The following DACH2 variants were observed in gnomAD, a reference collection of about 807,000 sequenced individuals.
The protein encoded by DACH2 is dachshund homolog 2.
In DACH2, 17 loss-of-function variants were observed where a neutral mutation model predicts 35.8. That is an observed-to-expected ratio of 0.48 (90% CI 0.33 to 0.71). The LOEUF (loss-of-function observed/expected upper bound fraction) is 0.71, where lower values mean the gene tolerates loss of function less well. Ranked by LOEUF, DACH2 falls within the 30% of genes least tolerant of loss-of-function variation. The pLI is 0.02. For missense variants in DACH2, 469 were observed against 472.7 expected (o/e 0.99, Z 0.07); for synonymous variants, 195 against 177.3 (o/e 1.10, Z -0.79).
At chrX:86,625,088 G>T (rs2040118923) in intron 3 of DACH2, among the ~76,000 whole-genome samples, 1 of 111,259 alleles carries the variant, frequency 9.0e-6, no homozygotes, top group African/African-American at 3.3e-5. Context: ...ACAGAAAAAT[G>T]GTTTGTATCT....
At chrX:86,813,579 TC>T (rs1428482566) in intron 9 of DACH2, among the ~76,000 whole-genome samples, 1 of 107,247 alleles carries the variant, frequency 9.3e-6, no homozygotes, top group Non-Finnish European at 1.9e-5. Flanking sequence ...GCCACTGCAC[TC>T]CAGCCTGGGC....
At chrX:86,281,697 G>C (rs2034032919) in intron 1 of DACH2, among the ~76,000 whole-genome samples, 1 of 111,948 alleles carries the variant, frequency 8.9e-6, no homozygotes, top group Non-Finnish European at 1.9e-5. Flanking sequence ...AATAGGAAGA[G>C]AGGAAGTCAA....
intron 6 of DACH2, among the ~76,000 whole-genome samples, chrX:86,722,528 T>A (rs2041419100): frequency 9.2e-6 from 1 of 108,994 alleles, no homozygotes; most frequent in African/African-American, 3.3e-5. Context: ...TGTTTTTTTT[T>A]TTATTTTATT....
chrX:86,726,458 C>T (rs936301438), intron 6 of DACH2, among the ~76,000 whole-genome samples: 5 of 111,051 alleles, frequency 4.5e-5, no homozygotes, highest in African/African-American at 1.6e-4. Context: ...CTCAATCTTG[C>T]AGCAGCCTCA....
chrX:86,302,150 T>A (rs1019106064), intron 1 of DACH2, among the ~76,000 whole-genome samples: 1 of 111,483 alleles, frequency 9.0e-6, no homozygotes, highest in Non-Finnish European at 1.9e-5. Context: ...TTATTTTATT[T>A]CATTTTAAAT....
At chrX:86,261,493 T>C (rs925245676) in intron 1 of DACH2, among the ~76,000 whole-genome samples, 3 of 112,028 alleles carry the variant, frequency 2.7e-5, no homozygotes, top group African/African-American at 9.7e-5. Context: ...TTCTACTGCC[T>C]TGTGGCTTTC....
intron 3 of DACH2, among the ~76,000 whole-genome samples, chrX:86,604,667 G>C (rs919147545): frequency 9.0e-6 from 1 of 111,387 alleles, no homozygotes; most frequent in Non-Finnish European, 1.9e-5. Flanking sequence ...TAATTAAAAT[G>C]ACTTACCAGC....
intron 2 of DACH2, among the ~76,000 whole-genome samples, chrX:86,392,532 A>C (rs1030652442): frequency 1.8e-5 from 2 of 111,822 alleles, no homozygotes; most frequent in Non-Finnish European, 3.8e-5. Flanking sequence ...AGATTATCCA[A>C]ATTTAGAACT....
intron 2 of DACH2, among the ~76,000 whole-genome samples, chrX:86,496,726 T>C (rs1319588357): frequency 9.1e-6 from 1 of 110,070 alleles, no homozygotes; most frequent in Non-Finnish European, 1.9e-5. Context: ...CTTACAGAAT[T>C]CAGGTCTCTA....
chrX:86,241,550 C>T (rs1253291265), intron 1 of DACH2, among the ~76,000 whole-genome samples: 1 of 112,046 alleles, frequency 8.9e-6, no homozygotes, highest in Non-Finnish European at 1.9e-5. Flanking sequence ...GCAAAATTTG[C>T]AGCATGATCA....
chrX:86,815,004 T>C (rs750762681), intron 10 of DACH2, among the ~76,000 whole-genome samples, 170 bp downstream of exon 10: 1 of 112,023 alleles, frequency 8.9e-6, no homozygotes, highest in East Asian at 2.8e-4. Context: ...AGGCCAAGTG[T>C]TTTAGATCAT....
At position 86,471,076 on chromosome X, in the gene DACH2, C is replaced by A. The variant is rs2037754061; in HGVS notation, c.528-43203C>A. Among the ~76,000 whole-genome samples, 3 of 111,459 alleles carry A rather than the reference C, an allele frequency of 2.7e-5. No homozygotes were observed. In the Admixed American group the frequency reaches 2.9e-4, roughly 11 times the overall value. On this transcript the variant is annotated intron_variant, in intron 2 of 11. Coordinates refer to ENST00000373125, the MANE Select transcript of DACH2 (RefSeq NM_053281.3). ...TTTTCTTTAACAATTAAACAGTTAA[C>A]AATTAAACTAGAACAAAACCAGTAT...
intron 1 of DACH2, among the ~76,000 whole-genome samples, chrX:86,191,866 A>G (rs933556386): frequency 1.8e-5 from 2 of 111,074 alleles, no homozygotes; most frequent in Non-Finnish European, 3.8e-5. Flanking sequence ...GCTTGAACCC[A>G]AGAGGCGGAG....
intron 1 of DACH2, among the ~76,000 whole-genome samples, chrX:86,332,326 G>C (rs2035228041): frequency 9.0e-6 from 1 of 111,362 alleles, no homozygotes; most frequent in Non-Finnish European, 1.9e-5. Context: ...ATACTAAATT[G>C]TATCTAAGAA....
In DACH2 at chrX:86,439,828, T is replaced by G. The variant is rs371352319; in HGVS notation, c.527+62966T>G. On this transcript the variant is annotated intron_variant, in intron 2 of 11. Transcript: ENST00000373125. ...ATTTTGAATAGTTGTATTTTTATTT[T>G]TATTTAGTACAAAATATTTTTAAAT... Among the ~76,000 whole-genome samples the G allele has an allele frequency of 3.0e-4, 34 of 111,855 alleles. No individual in the cohort carries two copies. In the East Asian group the frequency reaches 3.6e-3, roughly 12 times the overall value.
At chrX:86,675,890 T>A (rs911492243) in intron 4 of DACH2, among the ~76,000 whole-genome samples, 1 of 111,672 alleles carries the variant, frequency 9.0e-6, no homozygotes, top group South Asian at 3.7e-4. Flanking sequence ...TATTGAAAAG[T>A]AAAATTTAAA....
intron 1 of DACH2, among the ~76,000 whole-genome samples, chrX:86,332,948 A>G (rs1186860780): frequency 8.9e-6 from 1 of 111,945 alleles, no homozygotes; most frequent in African/African-American, 3.2e-5. Flanking sequence ...CATTTTAATC[A>G]AGCTTTCAGT....
At chrX:86,635,697 T>C (rs1188609977) in intron 3 of DACH2, among the ~76,000 whole-genome samples, 1 of 111,478 alleles carries the variant, frequency 9.0e-6, no homozygotes, top group East Asian at 2.8e-4. Flanking sequence ...AAATACAAAA[T>C]CAATGCATAA....
chrX:86,194,038 C>A (rs2031907501), intron 1 of DACH2, among the ~76,000 whole-genome samples: 1 of 110,185 alleles, frequency 9.1e-6, no homozygotes, highest in African/African-American at 3.3e-5. Flanking sequence ...CACTAGTAAC[C>A]TCTCTATATA....
Sources: gnomAD v4.1 joint callset for allele counts (sites outside exome capture counted in the v4.1 genomes callset) on GRCh38, gnomAD v4.1.1 for gene constraint, MANE v1.5 for transcripts, NCBI Gene and HGNC (gene_info 2026-07-23, HGNC 2026-07-21) for gene names.